The following SORCS3 variants were observed in gnomAD, a reference collection of about 807,000 sequenced individuals.
SORCS3 encodes the protein sortilin related VPS10 domain containing receptor 3.
In SORCS3, 57 loss-of-function variants were observed where a neutral mutation model predicts 146.3. The ratio of observed to expected loss-of-function variants is 0.39; its 90% confidence interval spans 0.31 to 0.49. SORCS3 has a LOEUF of 0.49. Among genes scored for constraint, SORCS3 ranks in the 20% least tolerant of loss-of-function variants. The pLI is 0.92. For synonymous variants in SORCS3, 653 were observed against 618.5 expected (o/e 1.06, Z -0.83); for missense variants, 1,341 against 1,575.5 (o/e 0.85, Z 2.52).
chr10:105,242,499 T>TATTTATATAC (rs2056834289), intron 20 of SORCS3, among the ~76,000 whole-genome samples: 3 of 83,274 alleles, frequency 3.6e-5, no homozygotes, highest in African/African-American at 5.1e-5. Flanking sequence ...TATTTATATA[T>TATTTATATAC]ATTTATATAT....
chr10:104,701,654 A>C (rs1388491656), intron 1 of SORCS3, among the ~76,000 whole-genome samples: 2 of 152,190 alleles, frequency 1.3e-5, no homozygotes, highest in South Asian at 2.1e-4. Context: ...AGAATGAAAA[A>C]ACTTTGTTTT....
At chr10:105,014,580 A>G (rs984732515) in intron 4 of SORCS3, among the ~76,000 whole-genome samples, 5 of 152,356 alleles carry the variant, frequency 3.3e-5, no homozygotes, top group Non-Finnish European at 5.9e-5. Flanking sequence ...TTATAAGTTT[A>G]TAAGCAAAAG....
chr10:105,119,888 C>T lies in SORCS3; in HGVS notation c.1212+14373C>T, dbSNP rs192832705. Reference sequence around the variant, plus strand: ...GCCTTGTCTCAGATGAGACTTTGGACTTGGACTTCTGGGTTAATTCTGGAA... The same window carrying T: ...GCCTTGTCTCAGATGAGACTTTGGATTTGGACTTCTGGGTTAATTCTGGAA... On this transcript the variant is annotated intron_variant, in intron 7 of 26. Transcript: ENST00000369701. 2.3e-3 allele frequency among the ~76,000 whole-genome samples: 347 copies of T among 152,172 alleles called. 2 individuals carry two copies. Among genetic ancestry groups the T allele is most frequent in the African/African-American group, 6.5e-3 (269 of 41,516 alleles).
At chr10:105,141,008 T>C (rs971955166) in intron 8 of SORCS3, among the ~76,000 whole-genome samples, 7 of 152,312 alleles carry the variant, frequency 4.6e-5, no homozygotes, top group African/African-American at 1.7e-4. Context: ...CCAGAAGGTC[T>C]CCCATGTTTC....
At chr10:105,213,194 T>G (rs1240766977) in intron 17 of SORCS3, among the ~76,000 whole-genome samples, 3 of 152,132 alleles carry the variant, frequency 2.0e-5, no homozygotes, top group Non-Finnish European at 2.9e-5. Context: ...AGAAAATATA[T>G]CATAATTTGA....
At chr10:104,850,311 G>A (rs928989928) in intron 2 of SORCS3, among the ~76,000 whole-genome samples, 1 of 152,188 alleles carries the variant, frequency 6.6e-6, no homozygotes, top group Non-Finnish European at 1.5e-5. Flanking sequence ...AGCCAGGTGC[G>A]GTGACTCGCA....
chr10:105,144,382 T>C (rs2056116459), intron 8 of SORCS3, among the ~76,000 whole-genome samples: 1 of 152,144 alleles, frequency 6.6e-6, no homozygotes, highest in Non-Finnish European at 1.5e-5. Flanking sequence ...TTTTTCTCTA[T>C]TTCCGTTGTC....
At chr10:104,696,959 G>A (rs1429159738) in intron 1 of SORCS3, among the ~76,000 whole-genome samples, 1 of 149,766 alleles carries the variant, frequency 6.7e-6, no homozygotes, top group Non-Finnish European at 1.5e-5. Context: ...GGAGTACCAG[G>A]GACTGGCGGG....
At chr10:105,023,024 A>G (rs1371636508) in intron 4 of SORCS3, among the ~76,000 whole-genome samples, 3 of 152,280 alleles carry the variant, frequency 2.0e-5, no homozygotes, top group Non-Finnish European at 4.4e-5. Flanking sequence ...CCCCTCTACC[A>G]GTTAATGACC....
At chr10:105,077,551 C>T (rs1301744066) in intron 5 of SORCS3, among the ~76,000 whole-genome samples, 5 of 124,220 alleles carry the variant, frequency 4.0e-5, no homozygotes, top group African/African-American at 1.4e-4. Flanking sequence ...CACACACACA[C>T]ACACACACAC....
At position 105,253,637 on chromosome 10, in the gene SORCS3, A is replaced by G. The variant is rs142121017; in HGVS notation, c.3237+731A>G. Among the ~76,000 whole-genome samples the G allele has an allele frequency of 1.9e-3, 286 of 152,296 alleles. 1 individual carries two copies. Among genetic ancestry groups the G allele is most frequent in the African/African-American group, 6.6e-3 (276 of 41,572 alleles). ...TCAGGTGCAATAGAAATAAGTGAGC[A>G]TGAGGCTGCAGAAAATCGGCATGAA... On this transcript the variant is annotated intron_variant, in intron 23 of 26. Coordinates refer to ENST00000369701, the MANE Select transcript of SORCS3 (RefSeq NM_014978.3).
intron 4 of SORCS3, among the ~76,000 whole-genome samples, chr10:104,996,929 T>C (rs1178729994): frequency 6.6e-6 from 1 of 152,084 alleles, no homozygotes; most frequent in Admixed American, 6.6e-5. Flanking sequence ...TGGAGGGAGA[T>C]CCAGCGGGGA....
intron 5 of SORCS3, among the ~76,000 whole-genome samples, chr10:105,046,310 C>T (rs148922688): frequency 1.1e-4 from 16 of 152,142 alleles, no homozygotes; most frequent in African/African-American, 2.2e-4. Flanking sequence ...TGTGACCCTG[C>T]GCAAATATTG....
At chr10:105,171,104 C>G (rs2056356013) in intron 13 of SORCS3, among the ~76,000 whole-genome samples, 1 of 152,076 alleles carries the variant, frequency 6.6e-6, no homozygotes, top group Non-Finnish European at 1.5e-5. Flanking sequence ...TAGTGGCTCT[C>G]AGATTTAAAT....
At chr10:104,889,357 G>A (rs2018725274) in intron 2 of SORCS3, among the ~76,000 whole-genome samples, 1 of 143,460 alleles carries the variant, frequency 7.0e-6, no homozygotes, top group Admixed American at 7.0e-5. Flanking sequence ...TACATTTAAT[G>A]TAATTATTGA....
chr10:105,231,064 TG>T (rs1467740102), intron 20 of SORCS3, among the ~76,000 whole-genome samples: 1 of 152,154 alleles, frequency 6.6e-6, no homozygotes, highest in African/African-American at 2.4e-5. Flanking sequence ...CTTTCCACAT[TG>T]GGGAATCTCT....
intron 1 of SORCS3, among the ~76,000 whole-genome samples, chr10:104,815,448 C>CTAAA (rs2017786013): frequency 1.3e-5 from 1 of 79,364 alleles, no homozygotes; most frequent in African/African-American, 5.2e-5. Flanking sequence ...GACCCTGTCT[C>CTAAA]AAAAAAAAAA....
At chr10:104,763,103 G>A (rs959053831) in intron 1 of SORCS3, among the ~76,000 whole-genome samples, 8 of 152,154 alleles carry the variant, frequency 5.3e-5, no homozygotes, top group African/African-American at 1.9e-4. Context: ...TGTGGTCCCT[G>A]GCACGTGATA....
chr10:104,730,620 C>T (rs1034086334), intron 1 of SORCS3, among the ~76,000 whole-genome samples: 5 of 152,202 alleles, frequency 3.3e-5, no homozygotes, highest in African/African-American at 9.7e-5. Flanking sequence ...TCTTTTCTCA[C>T]GCTGCTATGA....
Sources: allele counts gnomAD v4.1 joint callset (sites outside exome capture counted in the v4.1 genomes callset), GRCh38; gene constraint gnomAD v4.1.1; transcripts MANE v1.5; gene names NCBI Gene and HGNC (gene_info 2026-07-23, HGNC 2026-07-21).